Variants in MFN1 observed in about 807,000 individuals in gnomAD.
The protein encoded by MFN1 is mitofusin-1.
Under a neutral mutation model 92.4 loss-of-function variants are expected in MFN1, and 65 were observed. The ratio of observed to expected loss-of-function variants is 0.70; its 90% CI spans 0.58 to 0.86. The LOEUF (loss-of-function observed/expected upper bound fraction) is 0.86. MFN1 is among the 40% of genes least tolerant of loss of function. MFN1 has a pLI of 0.00. For synonymous variants in MFN1, 297 were observed against 300.9 expected (o/e 0.99, Z 0.13); for missense variants, 781 against 868.0 (o/e 0.90, Z 1.26).
chr3:179,380,114 T>G (rs1713410430), intron 14 of MFN1, among the ~76,000 whole-genome samples: 1 of 152,198 alleles, frequency 6.6e-6, no homozygotes, highest in Admixed American at 6.5e-5. Flanking sequence ...TAAGGTAAGA[T>G]AGCATTAACT....
chr3:179,352,187 G>A, intron 3 of MFN1, 152 bp downstream of exon 3: 1 of 691,874 alleles, frequency 1.4e-6, no homozygotes, highest in East Asian at 2.7e-5. Context: ...AAGAATTTGT[G>A]CATTTTACCT....
At chr3:179,360,542 C>T (rs1712534218) in intron 4 of MFN1, among the ~76,000 whole-genome samples, 1 of 118,318 alleles carries the variant, frequency 8.5e-6, no homozygotes, top group South Asian at 3.1e-4. Flanking sequence ...AGTGCCACTC[C>T]TTCAGCCAAA....
Position 179,347,750 on chromosome 3 carries a change from T to A in MFN1, c.-68T>A, listed in dbSNP as rs1269595404. On this transcript the variant is annotated 5_prime_UTR_variant, in exon 1 of 18. It removes an upstream start codon present in the reference 5' UTR. Transcript: ENST00000471841. ...CTCCGCCTTTAACTTCTCGGGAAGATGAGGCAGTTTGGCATCTGTGGCCGA... is the reference window on the plus strand; with the variant it reads ...CTCCGCCTTTAACTTCTCGGGAAGAAGAGGCAGTTTGGCATCTGTGGCCGA... 3 of 152,372 alleles carry A rather than the reference T, an allele frequency of 2.0e-5. No homozygotes were observed. 9.4% of individuals were successfully genotyped at this position (152,372 alleles called of 1,614,324 possible).
intron 7 of MFN1, among the ~76,000 whole-genome samples, 195 bp downstream of exon 7, chr3:179,365,420 T>C (rs1368504525): frequency 6.6e-6 from 1 of 152,222 alleles, no homozygotes; most frequent in East Asian, 1.9e-4. Context: ...TGTGTTATAC[T>C]ATCTAGTTAT....
chr3:179,388,056 ATT>A (rs1045084857), intron 16 of MFN1, among the ~76,000 whole-genome samples: 1 of 134,626 alleles, frequency 7.4e-6, no homozygotes. Flanking sequence ...TTTTTTTTGT[ATT>A]TTTTTTTTTT....
chr3:179,347,759 T>G lies in MFN1; in HGVS notation c.-59T>G, dbSNP rs1011091793. The G allele has an allele frequency of 5.9e-5, 9 of 152,480 alleles. No homozygotes were observed. Among genetic ancestry groups the G allele is most frequent in the African/African-American group, 1.7e-4 (7 of 41,586 alleles). The allele number at this position is 152,480 out of a possible 1,614,324, so 9.4% of individuals were successfully genotyped here. On this transcript the variant is annotated 5_prime_UTR_variant, in exon 1 of 18. Coordinates refer to ENST00000471841, the MANE Select transcript of MFN1 (RefSeq NM_033540.3). ...TAACTTCTCGGGAAGATGAGGCAGTTTGGCATCTGTGGCCGAGTTGCTGTT... is the reference window on the plus strand; with the variant it reads ...TAACTTCTCGGGAAGATGAGGCAGTGTGGCATCTGTGGCCGAGTTGCTGTT...
chr3:179,369,554 C>T (rs900944971), intron 9 of MFN1, among the ~76,000 whole-genome samples: 1 of 152,100 alleles, frequency 6.6e-6, no homozygotes, highest in Non-Finnish European at 1.5e-5. Flanking sequence ...ATAGCTTGTG[C>T]TTCCCAAGAA....
chr3:179,355,621 A>C (rs1418095330), intron 3 of MFN1, among the ~76,000 whole-genome samples: 1 of 152,130 alleles, frequency 6.6e-6, no homozygotes, highest in Non-Finnish European at 1.5e-5. Context: ...AAAAACAATG[A>C]CAGCACTGGG....
chr3:179,371,562 C>T (rs1314321552), intron 9 of MFN1, among the ~76,000 whole-genome samples: 1 of 152,080 alleles, frequency 6.6e-6, no homozygotes, highest in East Asian at 1.9e-4. Flanking sequence ...AATACATTTT[C>T]TTATTGTTTT....
rs533946247 is a variant in MFN1 at position 179,370,631 on chromosome 3, C to T, written c.975+2528C>T. ...TACACAGTGTTGGCCAGGATGGTCT[C>T]GATCTCCTGACCTCATGATCCACCC... On this transcript the variant is annotated intron_variant, in intron 9 of 17. Transcript: ENST00000471841. Among the ~76,000 whole-genome samples the T allele has an allele frequency of 3.0e-3, 456 of 152,072 alleles. 5 individuals are homozygous for T. The highest frequency in any genetic ancestry group is 0.011 in the African/African-American group (444 of 41,478).
At chr3:179,388,422 C>T (rs926866825) in intron 16 of MFN1, among the ~76,000 whole-genome samples, 4 of 152,022 alleles carry the variant, frequency 2.6e-5, no homozygotes, top group Non-Finnish European at 5.9e-5. Context: ...TACCTAAGTC[C>T]ACCCGGTTTC....
chr3:179,390,178 G>T, intron 17 of MFN1, 40 bp downstream of exon 17: 1 of 1,438,386 alleles, frequency 7.0e-7, no homozygotes, highest in Admixed American at 2.8e-5. Context: ...AACATTTACT[G>T]GTCTCATTAC....
intron 14 of MFN1, among the ~76,000 whole-genome samples, chr3:179,383,678 A>C (rs942473626): frequency 6.6e-6 from 1 of 152,078 alleles, no homozygotes; most frequent in African/African-American, 2.4e-5. Context: ...GGCCATTTTC[A>C]TGATATTGAT....
At chr3:179,364,124 A>G (rs35375482) in intron 5 of MFN1, among the ~76,000 whole-genome samples, 173 bp from the exon 6 acceptor site, 1 of 152,046 alleles carries the variant, frequency 6.6e-6, no homozygotes, top group African/African-American at 2.4e-5. Flanking sequence ...AATATTGAGC[A>G]TGTTATTTGC....
At chr3:179,350,359 C>T (rs1314136485) in intron 2 of MFN1, among the ~76,000 whole-genome samples, 3 of 151,228 alleles carry the variant, frequency 2.0e-5, no homozygotes, top group Admixed American at 1.3e-4. Flanking sequence ...AGACTTGACA[C>T]AATTCAATGC....
At chr3:179,356,400 C>T (rs1712345732) in intron 3 of MFN1, among the ~76,000 whole-genome samples, 1 of 152,198 alleles carries the variant, frequency 6.6e-6, no homozygotes, top group Non-Finnish European at 1.5e-5. Context: ...TCATCTGTGT[C>T]ACTTACAATA....
chr3:179,376,130 C>T (rs1577011948), intron 10 of MFN1, among the ~76,000 whole-genome samples: 1 of 152,178 alleles, frequency 6.6e-6, no homozygotes, highest in South Asian at 2.1e-4. Flanking sequence ...ACAAAGACCC[C>T]TTCATGTCCC....
Position 179,386,570 on chromosome 3 carries a change from T to C in MFN1, c.1953T>C (p.Thr651=). The change falls in exon 16 of 18, where the codon ACT becomes ACC. Residue 651 remains threonine, a synonymous_variant. Coordinates refer to ENST00000471841, the MANE Select transcript of MFN1 (RefSeq NM_033540.3). ...AACAGCAGTTTGTAAACTATGCAAC[T>C]GAAAAACTGAGGATGATTGTTAGCT... ...AFKQQFVNYA[T]EKLRMIVSST... The C allele has an allele frequency of 1.9e-6, 3 of 1,613,952 alleles. No individual in the cohort carries two copies. Among genetic ancestry groups the C allele is most frequent in the Non-Finnish European group, 1.7e-6 (2 of 1,179,984 alleles).
At chr3:179,362,600 C>G in intron 5 of MFN1, 118 bp downstream of exon 5, 1 of 874,454 alleles carries the variant, frequency 1.1e-6, no homozygotes, top group Non-Finnish European at 1.7e-6. Flanking sequence ...TTCTCATTAG[C>G]TAGATTAAGG....
Sources: allele counts gnomAD v4.1 joint callset (sites outside exome capture counted in the v4.1 genomes callset), GRCh38; gene constraint gnomAD v4.1.1; transcripts MANE v1.5; gene names NCBI Gene and HGNC (gene_info 2026-07-23, HGNC 2026-07-21).